RALGAPB: variants seen among roughly 807,000 people sequenced by gnomAD.
RALGAPB encodes the protein Ral GTPase activating protein non-catalytic subunit beta.
RALGAPB carries 25 observed loss-of-function variants against 161.1 expected under a neutral mutation model. The observed-to-expected ratio is 0.16, with a 90% confidence interval of 0.11 to 0.22. RALGAPB has a LOEUF of 0.22. Ranked by LOEUF, RALGAPB falls within the 10% of genes least tolerant of loss-of-function variation. The pLI, the probability that RALGAPB is intolerant of heterozygous loss-of-function variation, is 1.00. For missense variants in RALGAPB, 1,391 were observed against 1,815.2 expected (o/e 0.77, Z 4.25); for synonymous variants, 629 against 626.1 (o/e 1.00, Z -0.07).
rs776300793 is a variant in RALGAPB, at chr20:38,492,056, A to G, written c.187-874A>G. On this transcript the variant is annotated intron_variant, in intron 2 of 29. Coordinates refer to ENST00000262879, the MANE Select transcript of RALGAPB (RefSeq NM_020336.4). ...TAGATGGAGACATATAGCTCAGATG[A>G]TGGTAGAATGGCTGGATTTATAATT... 9.8e-5 allele frequency among the ~76,000 whole-genome samples: 15 copies of G among 152,310 alleles called. 1 individual carries two copies. The Middle Eastern group carries it at 0.01, about 104-fold the overall frequency.
intron 1 of RALGAPB, among the ~76,000 whole-genome samples, chr20:38,475,638 G>A (rs2084780781): frequency 7.6e-6 from 1 of 131,124 alleles, no homozygotes; most frequent in Middle Eastern, 4.3e-3. Context: ...TTTTTGAGAT[G>A]CAGTCTCGCT....
chr20:38,478,737 C>T (rs1347170105), intron 1 of RALGAPB, among the ~76,000 whole-genome samples: 1 of 152,170 alleles, frequency 6.6e-6, no homozygotes, highest in Non-Finnish European at 1.5e-5. Flanking sequence ...CTCCCTCAGC[C>T]TCCTGAGTAG....
At chr20:38,493,178 A>G (rs1436848272) in intron 3 of RALGAPB, 46 bp downstream of exon 3, 1 of 1,459,216 alleles carries the variant, frequency 6.9e-7, no homozygotes, top group Non-Finnish European at 9.5e-7. Flanking sequence ...GTCATAGTAA[A>G]ATATTCATAA....
intron 6 of RALGAPB, among the ~76,000 whole-genome samples, chr20:38,515,788 T>C (rs1177252577): frequency 6.6e-6 from 1 of 152,030 alleles, no homozygotes; most frequent in Non-Finnish European, 1.5e-5. Context: ...CTGGAATGCA[T>C]TGGCATGATC....
In RALGAPB at chr20:38,521,512, C is replaced by G; in HGVS notation, c.1433C>G (p.Ala478Gly). Residue 478 changes from alanine to glycine, a missense_variant, in exon 10 of 30, where the codon GCT becomes GGT. Transcript: ENST00000262879. ...DSSMTAITTQ[A>G]SMEFRRKGSQ... ...CTCTCCCCAGCCATTACAACACAAG[C>G]TAGCATGGAGTTTCGACGGAAAGGG... 1 of 1,614,112 alleles carries G rather than the reference C, an allele frequency of 6.2e-7. No individual in the cohort carries two copies. The highest frequency in any genetic ancestry group is 8.5e-7 in the Non-Finnish European group (1 of 1,179,988).
At chr20:38,548,823 T>A (rs1185712991) in intron 20 of RALGAPB, 28 bp downstream of exon 20, 2 of 1,539,670 alleles carry the variant, frequency 1.3e-6, no homozygotes, top group Non-Finnish European at 1.8e-6. Context: ...CAGGGAAGTG[T>A]GTGTGTGTTT....
intron 23 of RALGAPB, among the ~76,000 whole-genome samples, chr20:38,558,887 T>TG (rs1402922973): frequency 6.6e-6 from 1 of 152,214 alleles, no homozygotes; most frequent in Non-Finnish European, 1.5e-5. Context: ...ATCAAAAAAG[T>TG]GCCTTTCTAG....
intron 1 of RALGAPB, among the ~76,000 whole-genome samples, chr20:38,474,639 C>A (rs979789720): frequency 6.6e-6 from 1 of 152,178 alleles, no homozygotes; most frequent in African/African-American, 2.4e-5. Context: ...TTCAAGATAC[C>A]TCTGTCCCTG....
At chr20:38,525,601 C>G in intron 12 of RALGAPB, 83 bp downstream of exon 12, 1 of 1,063,082 alleles carries the variant, frequency 9.4e-7, no homozygotes, top group Non-Finnish European at 1.4e-6. Flanking sequence ...AAAAATGAAA[C>G]AGGAGCTTTT....
At chr20:38,518,223 G>A (rs2086190091) in intron 9 of RALGAPB, among the ~76,000 whole-genome samples, 1 of 151,904 alleles carries the variant, frequency 6.6e-6, no homozygotes, top group African/African-American at 2.4e-5. Context: ...CCTTTTGTCT[G>A]GTTTTATTAG....
At chr20:38,481,450 T>C (rs532765306) in intron 1 of RALGAPB, among the ~76,000 whole-genome samples, 1 of 152,312 alleles carries the variant, frequency 6.6e-6, no homozygotes, top group South Asian at 2.1e-4. Context: ...ACACATCTTA[T>C]GTGGATGACG....
chr20:38,569,062 T>G (rs2088123683), intron 26 of RALGAPB: 2 of 152,176 alleles, frequency 1.3e-5, no homozygotes, highest in Non-Finnish European at 2.9e-5. Flanking sequence ...GTCTGGACAT[T>G]TTCTGTGAAT....
At chr20:38,573,361 C>T (rs2088312215) in intron 28 of RALGAPB, among the ~76,000 whole-genome samples, 2 of 151,152 alleles carry the variant, frequency 1.3e-5, no homozygotes, top group African/African-American at 4.9e-5. Flanking sequence ...GTTGCTTTGG[C>T]CAAAATCACC....
rs559111991 is a variant in RALGAPB, at chr20:38,480,345, G to A, written c.-31+7276G>A. Reference sequence around the variant, plus strand: ...GCTTTTTTTTTTTTTGCTACCTGAAGCAAGTTTCCTTTCTTTTATGTATTT... The same window carrying A: ...GCTTTTTTTTTTTTTGCTACCTGAAACAAGTTTCCTTTCTTTTATGTATTT... On this transcript the variant is annotated intron_variant, in intron 1 of 29. Transcript: ENST00000262879. 2.0e-5 allele frequency among the ~76,000 whole-genome samples: 3 copies of A among 147,236 alleles called. No homozygotes were observed. In the East Asian group the frequency reaches 6.0e-4, roughly 29 times the overall value.
At chr20:38,553,793 AAAAAAAAAC>A in intron 21 of RALGAPB, 65 bp from the exon 22 acceptor site, 1 of 864,444 alleles carries the variant, frequency 1.2e-6, no homozygotes, top group Non-Finnish European at 1.7e-6. Flanking sequence ...AAAAAAAAAA[AAAAAAAAAC>A]ACTTAAGATT....
At chr20:38,498,744 C>T (rs529404911) in intron 4 of RALGAPB, among the ~76,000 whole-genome samples, 1 of 152,336 alleles carries the variant, frequency 6.6e-6, no homozygotes, top group East Asian at 1.9e-4. Flanking sequence ...TGCTGTTTTT[C>T]CACCTGGTTC....
intron 2 of RALGAPB, 131 bp from the exon 3 acceptor site, chr20:38,492,799 C>A: frequency 1.5e-6 from 1 of 673,684 alleles, no homozygotes; most frequent in South Asian, 2.1e-5. Context: ...TAAAATAAAT[C>A]TGATATTTAC....
At chr20:38,540,713 T>C (rs2086939304) in intron 17 of RALGAPB, among the ~76,000 whole-genome samples, 1 of 152,220 alleles carries the variant, frequency 6.6e-6, no homozygotes, top group Non-Finnish European at 1.5e-5. Flanking sequence ...GTGGTTACAC[T>C]ATCCCAAGCT....
At chr20:38,505,741 C>CA (rs1466241637) in intron 5 of RALGAPB, among the ~76,000 whole-genome samples, 1 of 151,856 alleles carries the variant, frequency 6.6e-6, no homozygotes, top group Non-Finnish European at 1.5e-5. Context: ...ATTGAGAAAC[C>CA]AAAAAAACGT....
Sources: gnomAD v4.1 joint callset for allele counts (sites outside exome capture counted in the v4.1 genomes callset) on GRCh38, gnomAD v4.1.1 for gene constraint, MANE v1.5 for transcripts, NCBI Gene and HGNC (gene_info 2026-07-23, HGNC 2026-07-21) for gene names.